DCBLD1: variants seen among roughly 807,000 people sequenced by gnomAD.
DCBLD1 encodes the protein discoidin, CUB and LCCL domain-containing protein 1.
DCBLD1 carries 57 observed loss-of-function variants against 71.5 expected under a neutral mutation model. The observed-to-expected ratio is 0.80, with a 90% CI of 0.64 to 0.99. DCBLD1 has a LOEUF of 0.99. Among genes scored for constraint, DCBLD1 ranks in the 50% least tolerant of loss-of-function variants. DCBLD1 has a pLI of 0.00. For synonymous variants in DCBLD1, 380 were observed against 363.8 expected (o/e 1.04, Z -0.51); for missense variants, 891 against 923.5 (o/e 0.96, Z 0.46).
intron 2 of DCBLD1, among the ~76,000 whole-genome samples, chr6:117,512,672 A>C (rs1376807013): frequency 6.6e-6 from 1 of 151,986 alleles, no homozygotes; most frequent in Non-Finnish European, 1.5e-5. Flanking sequence ...ACCCACATGT[A>C]CTCCCAGGGA....
At chr6:117,547,023 T>C (rs551991626) in intron 14 of DCBLD1, among the ~76,000 whole-genome samples, 120 of 152,344 alleles carry the variant, frequency 7.9e-4, no homozygotes, top group African/African-American at 2.8e-3. Context: ...AAATTCCTGA[T>C]TCCTGTCCCA....
intron 1 of DCBLD1, chr6:117,503,474 A>C: frequency 5.6e-6 from 2 of 356,476 alleles, no homozygotes; most frequent in African/African-American, 2.1e-5. Context: ...GGACGGGTGG[A>C]GAGATAGATG....
chr6:117,557,534 G>A (rs537131276), intron 14 of DCBLD1, among the ~76,000 whole-genome samples: 4 of 152,194 alleles, frequency 2.6e-5, no homozygotes, highest in South Asian at 2.1e-4. Flanking sequence ...TTTGGGAGGC[G>A]GATGGATCAC....
At chr6:117,511,873 GC>G (rs1268104402) in intron 2 of DCBLD1, among the ~76,000 whole-genome samples, 1 of 152,262 alleles carries the variant, frequency 6.6e-6, no homozygotes, top group East Asian at 1.9e-4. Context: ...GTTTTGGGCT[GC>G]AGACACCCTA....
chr6:117,522,174 C>T (rs1476730436), intron 4 of DCBLD1, among the ~76,000 whole-genome samples: 1 of 152,250 alleles, frequency 6.6e-6, no homozygotes. Context: ...ATTTGCTCAT[C>T]TATCAAGTAA....
intron 14 of DCBLD1, among the ~76,000 whole-genome samples, chr6:117,558,946 G>A (rs781006791): frequency 1.1e-4 from 16 of 152,302 alleles, no homozygotes; most frequent in African/African-American, 1.4e-4. Flanking sequence ...ATTGCTGGAC[G>A]CTAGCCAAGG....
At chr6:117,560,361 A>G (rs1342320083) in intron 14 of DCBLD1, 3 of 181,762 alleles carry the variant, frequency 1.7e-5, no homozygotes, top group African/African-American at 7.1e-5. Flanking sequence ...AGGCTAATAA[A>G]AAAATATTAA....
intron 9 of DCBLD1, 114 bp downstream of exon 9, chr6:117,539,493 T>C: frequency 8.2e-7 from 1 of 1,221,374 alleles, no homozygotes; most frequent in Non-Finnish European, 1.1e-6. Flanking sequence ...AGGCCAAGCA[T>C]GGTGGTTCAT....
At position 117,548,033 on chromosome 6, in the gene DCBLD1, C is replaced by G. The variant is rs759114446; in HGVS notation, c.1742C>G (p.Pro581Arg). 6.5e-7 allele frequency: 1 copy of G among 1,549,424 alleles called. No homozygotes were observed. The highest frequency in any genetic ancestry group is 1.4e-5 in the African/African-American group (1 of 73,028). The change falls in exon 15 of 15, where the codon CCG becomes CGG. Residue 581 changes from proline (P) to arginine (R), a missense_variant. Physicochemically the swap from Pro to Arg is moderately radical, Grantham distance 103. Coordinates refer to ENST00000338728, the MANE Select transcript of DCBLD1 (RefSeq NM_001366458.2). ...GATGCCGGCGGCCACTATGACTGCC[C>G]GCAGCGGGCCGGCCGCCACGAGTAC... Reference protein sequence around the residue: ...STDAGGHYDCPQRAGRHEYAL... With the variant: ...STDAGGHYDCRQRAGRHEYAL...
rs760555217 is a variant in DCBLD1, at chr6:117,548,246, A to G, written c.1955A>G (p.Tyr652Cys). Reference protein sequence around the residue: ...VAGVGAQDGDYQRPHSAQPAD... With the variant: ...VAGVGAQDGDCQRPHSAQPAD... The stretch of plus-strand genomic sequence containing the variant: ...GGTGTGGGCGCCCAGGACGGAGACT[A>G]TCAAAGGCCACACAGCGCACAGCCT... The change falls in exon 15 of 15, where the codon TAT becomes TGT. Residue 652 changes from tyrosine to cysteine, a missense_variant. Transcript: ENST00000338728. 4 of 1,550,462 alleles carry G rather than the reference A, an allele frequency of 2.6e-6. No individual in the cohort carries two copies. The highest frequency in any genetic ancestry group is 3.5e-6 in the Non-Finnish European group (4 of 1,146,982).
chr6:117,540,854 G>A, intron 10 of DCBLD1, 39 bp downstream of exon 10: 1 of 1,613,998 alleles, frequency 6.2e-7, no homozygotes, highest in Non-Finnish European at 8.5e-7. Flanking sequence ...CTCAAGTTTG[G>A]TCATATTTTT....
Position 117,544,547 on chromosome 6 carries a change from C to G in DCBLD1, c.1465C>G (p.Pro489Ala). The change falls in exon 13 of 15, where the codon CCG becomes GCG. Residue 489 changes from proline (P) to alanine (A), a missense_variant. Transcript: ENST00000338728. ...TGATAGGAAGAAGAAGAAAGGAAGT[C>G]CGTATGGATCAGCAGAGGCTCAGAA... ...AFRKKKKKGS[P>A]YGSAEAQKTD... 1 of 1,613,842 alleles carries G rather than the reference C, an allele frequency of 6.2e-7. No individual in the cohort carries two copies. The highest frequency in any genetic ancestry group is 2.2e-5 in the East Asian group (1 of 44,852).
intron 14 of DCBLD1, among the ~76,000 whole-genome samples, chr6:117,563,832 T>C (rs148077992): frequency 7.5e-4 from 114 of 152,256 alleles, no homozygotes; most frequent in Non-Finnish European, 1.3e-3. Flanking sequence ...AAATAATGCC[T>C]TATATTAATC....
At chr6:117,521,405 A>C (rs1395954172) in intron 3 of DCBLD1, 120 bp from the exon 4 acceptor site, 2 of 782,864 alleles carry the variant, frequency 2.6e-6, no homozygotes, top group Non-Finnish European at 3.9e-6. Context: ...GAAAATTCTG[A>C]TAACTACATA....
rs1455629681 is a variant in DCBLD1 at position 117,538,627 on chromosome 6, C to A, written c.768C>A (p.Ser256Arg). 6.2e-7 allele frequency: 1 copy of A among 1,613,914 alleles called. No individual in the cohort carries two copies. Among genetic ancestry groups the A allele is most frequent in the Admixed American group, 1.7e-5 (1 of 60,010 alleles). ...KRFLFTSNGCSRSLSFEPDGQ... is the reference protein window; with the variant it reads ...KRFLFTSNGCRRSLSFEPDGQ... Reference sequence around the variant, plus strand: ...ACTGCACTCTTTTTTCAGGTTGCAGCAGATCCTTGAGTTTTGAACCTGACG... The same window carrying A: ...ACTGCACTCTTTTTTCAGGTTGCAGAAGATCCTTGAGTTTTGAACCTGACG... Residue 256 changes from serine (S) to arginine (R), a missense_variant, in exon 8 of 15, where the codon AGC (serine) becomes AGA (arginine). Transcript: ENST00000338728.
intron 1 of DCBLD1, among the ~76,000 whole-genome samples, chr6:117,501,108 G>A (rs1777643079): frequency 6.6e-6 from 1 of 152,124 alleles, no homozygotes; most frequent in Non-Finnish European, 1.5e-5. Context: ...TGGAGAGGTT[G>A]TGTTGTGTTT....
chr6:117,486,686 T>A (rs1028052780), intron 1 of DCBLD1, among the ~76,000 whole-genome samples: 1 of 152,236 alleles, frequency 6.6e-6, no homozygotes, highest in Non-Finnish European at 1.5e-5. Flanking sequence ...TTAGATGTTG[T>A]CCTCTCAGGG....
At chr6:117,539,445 T>A in intron 9 of DCBLD1, 66 bp downstream of exon 9, 1 of 1,491,696 alleles carries the variant, frequency 6.7e-7, no homozygotes, top group Non-Finnish European at 9.0e-7. Flanking sequence ...TTTTCATCAA[T>A]GTGTTTACAT....
intron 5 of DCBLD1, among the ~76,000 whole-genome samples, chr6:117,527,270 A>G (rs1426319068): frequency 6.6e-6 from 1 of 152,012 alleles, no homozygotes; most frequent in Non-Finnish European, 1.5e-5. Context: ...CCCCACCCAC[A>G]CTCAGGGGGA....
Sources: allele counts gnomAD v4.1 joint callset (sites outside exome capture counted in the v4.1 genomes callset), GRCh38; gene constraint gnomAD v4.1.1; transcripts MANE v1.5; gene names NCBI Gene and HGNC (gene_info 2026-07-23, HGNC 2026-07-21).